Variants in GSE1 observed in about 807,000 individuals in gnomAD.
The protein encoded by GSE1 is Gse1 coiled-coil protein.
A neutral mutation model predicts 112.6 loss-of-function variants in GSE1; 32 were observed. The observed-to-expected ratio is 0.28, with a 90% CI of 0.21 to 0.38. The LOEUF is 0.38. Among genes scored for constraint, GSE1 ranks in the 10% least tolerant of loss-of-function variants. GSE1 has a pLI of 1.00. For missense variants in GSE1, 2,348 were observed against 1,699.2 expected (o/e 1.38, Z -6.71); for synonymous variants, 1,115 against 735.6 (o/e 1.52, Z -8.35).
At chr16:85,398,991 T>C (rs1472717846) in intron 2 of GSE1, among the ~76,000 whole-genome samples, 1 of 152,172 alleles carries the variant, frequency 6.6e-6, no homozygotes, top group Non-Finnish European at 1.5e-5. Flanking sequence ...TGCATATGTG[T>C]GTACATTGTG....
chr16:85,212,617 T>G (rs1219934295), intron 1 of GSE1, among the ~76,000 whole-genome samples: 4 of 152,156 alleles, frequency 2.6e-5, no homozygotes, highest in Non-Finnish European at 5.9e-5. Context: ...GACCTTGGAC[T>G]TCCAGCTCCC....
intron 1 of GSE1, among the ~76,000 whole-genome samples, chr16:85,175,345 C>T (rs760354702): frequency 5.9e-5 from 9 of 152,150 alleles, no homozygotes; most frequent in Admixed American, 1.3e-4. Flanking sequence ...GCCCCAAGGA[C>T]GGACCCTTCC....
In GSE1 at chr16:85,400,511, G is replaced by T. The variant is rs139351459; in HGVS notation, c.2464+42868G>T. Among the ~76,000 whole-genome samples the T allele has an allele frequency of 7.6e-3, 1,147 of 151,518 alleles. 15 individuals carry two copies. The highest frequency in any genetic ancestry group is 0.026 in the African/African-American group (1,072 of 41,240). ...TTGTGTGGGTGTGTTGTGTGTGTCTGTGTGGTTGTGAGCCTGTGTGTTTTG... is the reference window on the plus strand; with the variant it reads ...TTGTGTGGGTGTGTTGTGTGTGTCTTTGTGGTTGTGAGCCTGTGTGTTTTG... On this transcript the variant is annotated intron_variant, in intron 2 of 2. Transcript: ENST00000637419.
rs533840124 is a variant in GSE1 at position 85,236,603 on chromosome 16, G to C, written c.2283+64796G>C. Among the ~76,000 whole-genome samples the C allele has an allele frequency of 3.9e-4, 59 of 152,282 alleles. No individual in the cohort carries two copies. The South Asian group carries it at 0.012, about 30-fold the overall frequency. ...ATAGGCCTGGGGGTGGGTTGGGCCA[G>C]CTTGAAGGCTGTGAATGCCTGCTCT... On this transcript the variant is annotated intron_variant, in intron 1 of 2. Coordinates refer to the GSE1 transcript ENST00000637419.
intron 1 of GSE1, among the ~76,000 whole-genome samples, chr16:85,222,706 C>T (rs1312123499): frequency 6.6e-6 from 1 of 152,184 alleles, no homozygotes; most frequent in African/African-American, 2.4e-5. Flanking sequence ...AAACGTGTCT[C>T]CGTCTCTGCG....
At chr16:85,251,941 G>A (rs1906530973) in intron 1 of GSE1, among the ~76,000 whole-genome samples, 1 of 152,214 alleles carries the variant, frequency 6.6e-6, no homozygotes, top group South Asian at 2.1e-4. Context: ...CACCATGCCA[G>A]GCTGCCATGA....
chr16:85,319,232 T>A (rs2046047928), intron 1 of GSE1, among the ~76,000 whole-genome samples: 1 of 152,166 alleles, frequency 6.6e-6, no homozygotes, highest in Non-Finnish European at 1.5e-5. Flanking sequence ...TGTCAGAAAT[T>A]TGTGAAGAAA....
At position 85,276,975 on chromosome 16, in the gene GSE1, G is replaced by C. The variant is rs775270027; in HGVS notation, c.2284-80488G>C. Among the ~76,000 whole-genome samples the C allele has an allele frequency of 5.0e-4, 76 of 152,138 alleles. 1 individual carries two copies. Among genetic ancestry groups the C allele is most frequent in the Admixed American group, 2.3e-3 (35 of 15,290 alleles). Reference sequence around the variant, plus strand: ...CCGTGCAGCCGGGCCAGGCCTGGGGGCTTTGTTCTGAGAGCAGGGGGACCC... The same window carrying C: ...CCGTGCAGCCGGGCCAGGCCTGGGGCCTTTGTTCTGAGAGCAGGGGGACCC... On this transcript the variant is annotated intron_variant, in intron 1 of 2. Transcript: ENST00000637419.
intron 3 of GSE1, among the ~76,000 whole-genome samples, chr16:85,653,328 C>T (rs1368796592): frequency 1.5e-5 from 1 of 66,448 alleles, no homozygotes; most frequent in African/African-American, 5.8e-5. Context: ...CCTCCTCCCA[C>T]TTAGTCACAC....
At chr16:85,602,605 C>G (rs140435972) in intron 1 of GSE1, among the ~76,000 whole-genome samples, 1 of 152,148 alleles carries the variant, frequency 6.6e-6, no homozygotes, top group African/African-American at 2.4e-5. Context: ...GGCATGTAGC[C>G]TATCTCTGGG....
At chr16:85,548,156 G>A (rs1302534940) in intron 2 of GSE1, among the ~76,000 whole-genome samples, 1 of 149,052 alleles carries the variant, frequency 6.7e-6, no homozygotes, top group Non-Finnish European at 1.5e-5. Flanking sequence ...TTGAACCAGG[G>A]AGTCAGAGGT....
intron 2 of GSE1, among the ~76,000 whole-genome samples, chr16:85,367,661 C>A (rs748708910): frequency 6.6e-6 from 1 of 152,174 alleles, no homozygotes; most frequent in Non-Finnish European, 1.5e-5. Flanking sequence ...CAGTGCCTGG[C>A]ATGCTTACCC....
intron 1 of GSE1, among the ~76,000 whole-genome samples, chr16:85,292,287 C>T (rs1218454120): frequency 1.3e-5 from 2 of 149,580 alleles, no homozygotes; most frequent in Non-Finnish European, 1.5e-5. Flanking sequence ...TACAGGTGCA[C>T]GCCACCATGC....
chr16:85,476,860 A>C (rs960965297), intron 2 of GSE1, among the ~76,000 whole-genome samples: 2 of 142,356 alleles, frequency 1.4e-5, no homozygotes, highest in African/African-American at 5.3e-5. Context: ...TGATCCTCTC[A>C]CCTTGGCCTT....
At chr16:85,383,803 G>A (rs1004737141) in intron 2 of GSE1, among the ~76,000 whole-genome samples, 3 of 152,206 alleles carry the variant, frequency 2.0e-5, no homozygotes, top group African/African-American at 7.2e-5. Flanking sequence ...AAGGCAGGAA[G>A]TCATCCAGCC....
At chr16:85,223,495 C>T (rs2075429397) in intron 1 of GSE1, among the ~76,000 whole-genome samples, 1 of 151,484 alleles carries the variant, frequency 6.6e-6, no homozygotes, top group African/African-American at 2.4e-5. Flanking sequence ...CGCACTCCAG[C>T]CTGGGCAACA....
chr16:85,606,275 A>G (rs576466936), intron 1 of GSE1, among the ~76,000 whole-genome samples: 1 of 152,332 alleles, frequency 6.6e-6, no homozygotes, highest in African/African-American at 2.4e-5. Flanking sequence ...CTCAAATATG[A>G]AAAATGGGAA....
At chr16:85,267,483 G>A (rs543891983) in intron 1 of GSE1, among the ~76,000 whole-genome samples, 10 of 152,110 alleles carry the variant, frequency 6.6e-5, no homozygotes, top group Non-Finnish European at 1.0e-4. Context: ...GAATGGGGAG[G>A]TGCCTATGTG....
Position 85,661,658 on chromosome 16 carries a change from G to C in GSE1, c.2153G>C (p.Arg718Pro). The change falls in exon 9 of 16, where the codon CGG (arginine) becomes CCG (proline). Residue 718 changes from arginine (R) to proline (P), a missense_variant. Arg to Pro is a moderately radical substitution (Grantham distance 103). Coordinates refer to ENST00000253458, the MANE Select transcript of GSE1 (RefSeq NM_014615.5). Reference sequence around the variant, plus strand: ...TCGCCCTACCGGCCCCCAGTGCCACGGGCCCCCGACCCTGCCTACATCTAT... The same window carrying C: ...TCGCCCTACCGGCCCCCAGTGCCACCGGCCCCCGACCCTGCCTACATCTAT... ...PGSPYRPPVP[R>P]APDPAYIYDE... 6.2e-7 allele frequency: 1 copy of C among 1,611,038 alleles called. No individual in the cohort carries two copies. The highest frequency in any genetic ancestry group is 8.5e-7 in the Non-Finnish European group (1 of 1,179,380).
Sources: gnomAD v4.1 joint callset for allele counts (sites outside exome capture counted in the v4.1 genomes callset) on GRCh38, gnomAD v4.1.1 for gene constraint, MANE v1.5 for transcripts, NCBI Gene and HGNC (gene_info 2026-07-23, HGNC 2026-07-21) for gene names.